RALGAPA1: variants seen among roughly 807,000 people sequenced by gnomAD.
RALGAPA1 encodes Ral GTPase activating protein catalytic subunit alpha 1, also known as ral GTPase-activating protein subunit alpha-1.
In RALGAPA1, 52 loss-of-function variants were observed where a neutral mutation model predicts 269.6. The observed-to-expected ratio is 0.19, with a 90% CI of 0.15 to 0.24. RALGAPA1 has a LOEUF of 0.24. RALGAPA1 is among the 10% of genes least tolerant of loss of function. The pLI is 1.00. For synonymous variants in RALGAPA1, 817 were observed against 1,008.3 expected (o/e 0.81, Z 3.60); for missense variants, 1,917 against 3,013.9 (o/e 0.64, Z 8.52).
chr14:35,754,761 C>T (rs1417917178), intron 7 of RALGAPA1, among the ~76,000 whole-genome samples: 1 of 152,154 alleles, frequency 6.6e-6, no homozygotes, highest in African/African-American at 2.4e-5. Context: ...AGCAGTTTTA[C>T]TTTAAATAGC....
chr14:35,768,051 A>G (rs2074296962), intron 4 of RALGAPA1, among the ~76,000 whole-genome samples: 2 of 151,876 alleles, frequency 1.3e-5, no homozygotes, highest in African/African-American at 4.9e-5. Context: ...CTGGGATTAT[A>G]GGCATGAGCC....
intron 4 of RALGAPA1, chr14:35,766,653 A>G: frequency 1.4e-6 from 1 of 702,422 alleles, no homozygotes; most frequent in Admixed American, 1.8e-5. Context: ...TGATTTTGTA[A>G]GAGGAAGAAT....
chr14:35,586,776 A>G (rs546711897), intron 37 of RALGAPA1, among the ~76,000 whole-genome samples: 14 of 152,268 alleles, frequency 9.2e-5, no homozygotes, highest in African/African-American at 3.4e-4. Flanking sequence ...TGATTTGTGT[A>G]TGTTGAACCA....
In RALGAPA1 at chr14:35,711,277, A is replaced by G. The variant is rs1395746891; in HGVS notation, c.2266+10411T>C. Among the ~76,000 whole-genome samples, 7 of 152,228 alleles carry G rather than the reference A, an allele frequency of 4.6e-5. No homozygotes were observed. The East Asian group carries it at 9.7e-4, about 21-fold the overall frequency. On this transcript the variant is annotated intron_variant, in intron 16 of 41. Coordinates refer to ENST00000680220, the MANE Select transcript of RALGAPA1 (RefSeq NM_001346249.2). ...TGTACCACATTTGTTCCGGTTTTCT[A>G]TTCAGTGCCTTTCTTTTTTTATATT...
chr14:35,628,430 C>T (rs2061123742), intron 33 of RALGAPA1, among the ~76,000 whole-genome samples: 1 of 152,086 alleles, frequency 6.6e-6, no homozygotes, highest in Non-Finnish European at 1.5e-5. Flanking sequence ...CACTGTACTC[C>T]AGCCCAGGTG....
chr14:35,778,524 G>C (rs1479632853), intron 1 of RALGAPA1, among the ~76,000 whole-genome samples: 1 of 152,130 alleles, frequency 6.6e-6, no homozygotes, highest in African/African-American at 2.4e-5. Flanking sequence ...TCCAGGACTA[G>C]TCTAGCATCT....
chr14:35,557,487 A>C (rs2055743722), intron 39 of RALGAPA1, among the ~76,000 whole-genome samples: 1 of 152,190 alleles, frequency 6.6e-6, no homozygotes, highest in Non-Finnish European at 1.5e-5. Context: ...CATTTAAGAC[A>C]GTGTCATAGA....
chr14:35,605,744 A>G (rs377093879), intron 35 of RALGAPA1, 35 bp from the exon 36 acceptor site: 2 of 1,595,012 alleles, frequency 1.3e-6, no homozygotes, highest in African/African-American at 2.7e-5. Context: ...TAATTTAATC[A>G]CTATTTTATC....
chr14:35,589,987 C>T (rs1439580745), intron 37 of RALGAPA1, among the ~76,000 whole-genome samples: 1 of 152,144 alleles, frequency 6.6e-6, no homozygotes, highest in East Asian at 1.9e-4. Context: ...AGCCACTGTG[C>T]CTGGCTTATT....
At chr14:35,543,269 T>C (rs992924462) in intron 41 of RALGAPA1, among the ~76,000 whole-genome samples, 1 of 152,188 alleles carries the variant, frequency 6.6e-6, no homozygotes, top group East Asian at 1.9e-4. Flanking sequence ...TATTGGCACA[T>C]AGTAGGAGCA....
intron 17 of RALGAPA1, 115 bp from the exon 18 acceptor site, chr14:35,690,118 C>A: frequency 2.7e-6 from 2 of 739,206 alleles, no homozygotes; most frequent in South Asian, 2.6e-5. Context: ...TTTTTGTAAG[C>A]TCAATGAAAA....
intron 27 of RALGAPA1, among the ~76,000 whole-genome samples, chr14:35,663,308 G>A (rs537299204): frequency 1.3e-5 from 2 of 152,000 alleles, no homozygotes; most frequent in Admixed American, 6.6e-5. Context: ...CATTGAACAC[G>A]TAATTACAAG....
intron 16 of RALGAPA1, among the ~76,000 whole-genome samples, chr14:35,717,673 C>T (rs1204973193): frequency 6.6e-6 from 1 of 152,062 alleles, no homozygotes; most frequent in African/African-American, 2.4e-5. Flanking sequence ...ACCTCAGCCT[C>T]CTGAGTAGCT....
chr14:35,596,949 G>T (rs141542260), intron 36 of RALGAPA1, among the ~76,000 whole-genome samples: 1 of 152,162 alleles, frequency 6.6e-6, no homozygotes, highest in Non-Finnish European at 1.5e-5. Context: ...CTTGCTTTTG[G>T]AATTAATATA....
chr14:35,654,605 A>G lies in RALGAPA1; in HGVS notation c.5497-128T>C, dbSNP rs573264948. 1.6e-4 allele frequency: 182 copies of G among 1,118,168 alleles called. 2 individuals are homozygous for G. The South Asian group carries it at 3.4e-3, about 21-fold the overall frequency. 69.3% of individuals were successfully genotyped at this position (1,118,168 alleles called of 1,614,324 possible). On this transcript the variant is annotated intron_variant, in intron 29 of 41. Coordinates refer to ENST00000680220, the MANE Select transcript of RALGAPA1 (RefSeq NM_001346249.2). ...AATCCTACATTTATAGGTGATTAAG[A>G]TAAATCTCTAGCTGCAAAATAAAAA...
intron 21 of RALGAPA1, chr14:35,683,535 T>G (rs1005181884): frequency 1.3e-5 from 3 of 230,392 alleles, no homozygotes; most frequent in Non-Finnish European, 2.5e-5. Context: ...CCCATTAAAA[T>G]TTTTTTTTAA....
At chr14:35,657,520 A>G (rs1427563525) in intron 28 of RALGAPA1, among the ~76,000 whole-genome samples, 3 of 151,974 alleles carry the variant, frequency 2.0e-5, no homozygotes, top group Admixed American at 6.6e-5. Context: ...AACATATACT[A>G]AAAAGGTATA....
At chr14:35,589,841 A>G (rs908043038) in intron 37 of RALGAPA1, among the ~76,000 whole-genome samples, 1 of 152,164 alleles carries the variant, frequency 6.6e-6, no homozygotes, top group African/African-American at 2.4e-5. Flanking sequence ...CTGGGACTAC[A>G]GGCATGCACC....
At chr14:35,753,351 C>T (rs1276018406) in intron 7 of RALGAPA1, among the ~76,000 whole-genome samples, 1 of 152,054 alleles carries the variant, frequency 6.6e-6, no homozygotes, top group Non-Finnish European at 1.5e-5. Context: ...GGGGAGAAAG[C>T]TTTTTCCTAC....
Sources: allele counts gnomAD v4.1 joint callset (sites outside exome capture counted in the v4.1 genomes callset), GRCh38; gene constraint gnomAD v4.1.1; transcripts MANE v1.5; gene names NCBI Gene and HGNC (gene_info 2026-07-23, HGNC 2026-07-21).